Variants in ADGRB3 observed in about 807,000 individuals in gnomAD.
ADGRB3 encodes adhesion G protein-coupled receptor B3.
Under a neutral mutation model 193.4 loss-of-function variants are expected in ADGRB3, and 37 were observed. The ratio of observed to expected loss-of-function variants is 0.19; its 90% CI spans 0.15 to 0.25. The LOEUF (loss-of-function observed/expected upper bound fraction) is 0.25. Among genes scored for constraint, ADGRB3 ranks in the 10% least tolerant of loss-of-function variants. ADGRB3 has a pLI of 1.00. For synonymous variants in ADGRB3, 690 were observed against 644.2 expected (o/e 1.07, Z -1.08); for missense variants, 1,637 against 1,852.9 (o/e 0.88, Z 2.14).
At chr6:68,759,826 A>G (rs911035822) in intron 3 of ADGRB3, among the ~76,000 whole-genome samples, 1 of 152,132 alleles carries the variant, frequency 6.6e-6, no homozygotes, top group Admixed American at 6.5e-5. Context: ...AATGAAAACT[A>G]TAGATGAAGA....
chr6:69,004,617 A>G (rs558958244), intron 11 of ADGRB3, among the ~76,000 whole-genome samples: 2 of 138,856 alleles, frequency 1.4e-5, no homozygotes, highest in East Asian at 2.3e-4. Flanking sequence ...CCTGTGTCCA[A>G]GTGTTCTCAT....
At position 69,382,950 on chromosome 6, in the gene ADGRB3, C is replaced by G. The variant is rs1769983488; in HGVS notation, c.4380+15C>G. 3 of 1,521,094 alleles carry G rather than the reference C, an allele frequency of 2.0e-6. No individual in the cohort carries two copies. The highest frequency in any genetic ancestry group is 1.8e-6 in the Non-Finnish European group (2 of 1,102,520). 94.2% of individuals were successfully genotyped at this position (1,521,094 alleles called of 1,614,324 possible). A position where few individuals can be genotyped will look rare whatever the true frequency, so the allele number is the denominator to read the frequency against. On this transcript the variant is annotated intron_variant, in intron 31 of 31. Coordinates refer to ENST00000370598, the MANE Select transcript of ADGRB3 (RefSeq NM_001704.3). Reference sequence around the variant, plus strand: ...CAAGCAGTATGGTAAGTATGCTTTGCTTCAATGCCTGAGTAGAAGATGCAT... The same window carrying G: ...CAAGCAGTATGGTAAGTATGCTTTGGTTCAATGCCTGAGTAGAAGATGCAT...
chr6:68,884,171 A>G (rs1765831342), intron 3 of ADGRB3, among the ~76,000 whole-genome samples: 1 of 152,168 alleles, frequency 6.6e-6, no homozygotes, highest in Non-Finnish European at 1.5e-5. Flanking sequence ...TAGATTCAAT[A>G]TAGGCTTTAA....
intron 22 of ADGRB3, among the ~76,000 whole-genome samples, 185 bp downstream of exon 22, chr6:69,328,074 A>C (rs1178531181): frequency 6.6e-6 from 1 of 152,226 alleles, no homozygotes; most frequent in African/African-American, 2.4e-5. Flanking sequence ...TTGTGGCACT[A>C]TTCAGAATCT....
chr6:68,722,684 T>C (rs1305784051), intron 3 of ADGRB3, among the ~76,000 whole-genome samples: 3 of 151,488 alleles, frequency 2.0e-5, no homozygotes, highest in African/African-American at 7.3e-5. Context: ...CAATTAGATA[T>C]GTGTTCCTAA....
At position 68,790,602 on chromosome 6, in the gene ADGRB3, C is replaced by A. The variant is rs535894462; in HGVS notation, c.758-139957C>A. 3.4e-3 allele frequency among the ~76,000 whole-genome samples: 511 copies of A among 152,228 alleles called. 3 individuals carry two copies. Among genetic ancestry groups the A allele is most frequent in the South Asian group, 0.022 (104 of 4,824 alleles). ...CTCTGAGACAAAACTTCCAGAGGAACGATCAGGCAGCAGCATCTGCGGTTC... is the reference window on the plus strand; with the variant it reads ...CTCTGAGACAAAACTTCCAGAGGAAAGATCAGGCAGCAGCATCTGCGGTTC... On this transcript the variant is annotated intron_variant, in intron 3 of 31. Coordinates refer to ENST00000370598, the MANE Select transcript of ADGRB3 (RefSeq NM_001704.3).
At chr6:68,896,244 T>A (rs1766215256) in intron 3 of ADGRB3, among the ~76,000 whole-genome samples, 1 of 152,028 alleles carries the variant, frequency 6.6e-6, no homozygotes, top group Non-Finnish European at 1.5e-5. Context: ...ACTGGAGATT[T>A]TATAATAGTT....
At chr6:69,097,589 C>G (rs1240674560) in intron 17 of ADGRB3, among the ~76,000 whole-genome samples, 1 of 152,022 alleles carries the variant, frequency 6.6e-6, no homozygotes, top group Admixed American at 6.6e-5. Flanking sequence ...ACTAACATAA[C>G]CACATGTTTT....
intron 26 of ADGRB3, among the ~76,000 whole-genome samples, chr6:69,350,179 AC>A (rs5877206): frequency 0.012 from 1,797 of 152,146 alleles, 11 homozygotes; most frequent in Middle Eastern, 0.02. Flanking sequence ...TTTTAGAGCA[AC>A]CCCCAGCAGG....
intron 17 of ADGRB3, among the ~76,000 whole-genome samples, chr6:69,093,888 A>G (rs1772790540): frequency 6.6e-6 from 1 of 152,196 alleles, no homozygotes; most frequent in Non-Finnish European, 1.5e-5. Context: ...GGGAGTTTGT[A>G]CTTTTTCCTA....
intron 17 of ADGRB3, among the ~76,000 whole-genome samples, chr6:69,230,387 C>T (rs956395097): frequency 6.6e-6 from 1 of 152,166 alleles, no homozygotes; most frequent in African/African-American, 2.4e-5. Context: ...GAATACTTCA[C>T]ATGTTCAGAA....
At chr6:69,279,935 A>G (rs1032440650) in intron 20 of ADGRB3, among the ~76,000 whole-genome samples, 8 of 152,190 alleles carry the variant, frequency 5.3e-5, no homozygotes, top group Middle Eastern at 6.8e-3. Flanking sequence ...AAAAAAATGT[A>G]TTAGAGAAAA....
chr6:69,128,568 CAAAAG>C (rs1177972747), intron 17 of ADGRB3, among the ~76,000 whole-genome samples: 1 of 151,736 alleles, frequency 6.6e-6, no homozygotes. Context: ...CACCCCACTC[CAAAAG>C]AAAAGAAAAC....
chr6:69,137,385 A>G (rs1240782449), intron 17 of ADGRB3, among the ~76,000 whole-genome samples: 3 of 151,700 alleles, frequency 2.0e-5, no homozygotes, highest in Non-Finnish European at 4.4e-5. Context: ...TTTTTGGATC[A>G]TCTGGATGGA....
intron 3 of ADGRB3, among the ~76,000 whole-genome samples, chr6:68,888,984 T>C (rs1310383040): frequency 6.6e-6 from 1 of 152,164 alleles, no homozygotes; most frequent in African/African-American, 2.4e-5. Context: ...GTGGGAAACA[T>C]AAAAGTTATG....
At chr6:68,637,205 A>G (rs2127273367) in intron 1 of ADGRB3, among the ~76,000 whole-genome samples, 186 bp from the exon 2 acceptor site, 1 of 152,290 alleles carries the variant, frequency 6.6e-6, no homozygotes, top group Non-Finnish European at 1.5e-5. Flanking sequence ...ATAGAATTTG[A>G]ATTATAATCT....
intron 26 of ADGRB3, among the ~76,000 whole-genome samples, chr6:69,351,771 T>C (rs1466073855): frequency 2.0e-5 from 3 of 152,192 alleles, no homozygotes; most frequent in Non-Finnish European, 4.4e-5. Context: ...AGAGTTGATT[T>C]TGAAAAGAAA....
intron 17 of ADGRB3, among the ~76,000 whole-genome samples, chr6:69,173,175 T>G (rs1229124680): frequency 6.6e-6 from 1 of 152,178 alleles, no homozygotes; most frequent in East Asian, 1.9e-4. Flanking sequence ...GTAGCTGGGA[T>G]TATGGGCATG....
chr6:69,384,193 C>T (rs936388952), intron 31 of ADGRB3, among the ~76,000 whole-genome samples: 10 of 151,980 alleles, frequency 6.6e-5, no homozygotes, highest in South Asian at 4.1e-4. Context: ...GAGAAATATA[C>T]GCTCTAACTC....
Sources: gnomAD v4.1 joint callset for allele counts (sites outside exome capture counted in the v4.1 genomes callset) on GRCh38, gnomAD v4.1.1 for gene constraint, MANE v1.5 for transcripts, NCBI Gene and HGNC (gene_info 2026-07-23, HGNC 2026-07-21) for gene names.